JAK1: variants seen among roughly 807,000 people sequenced by gnomAD.
JAK1 encodes the protein tyrosine-protein kinase JAK1.
In JAK1, 16 loss-of-function variants were observed where a neutral mutation model predicts 136.6. The observed-to-expected ratio is 0.12, with a 90% confidence interval of 0.08 to 0.18. JAK1 has a LOEUF of 0.18. JAK1 is among the 10% of genes least tolerant of loss of function. The pLI, the probability that JAK1 is intolerant of heterozygous loss-of-function variation, is 1.00. For missense variants in JAK1, 859 were observed against 1,450.1 expected (o/e 0.59, Z 6.62); for synonymous variants, 492 against 519.5 (o/e 0.95, Z 0.72).
chr1:64,963,914 G>C (rs1646328749), intron 1 of JAK1, among the ~76,000 whole-genome samples: 2 of 152,112 alleles, frequency 1.3e-5, no homozygotes, highest in Admixed American at 6.6e-5. Context: ...CTAACCACTA[G>C]ATGCCTACCA....
chr1:64,899,687 A>G (rs1376684247), intron 1 of JAK1, among the ~76,000 whole-genome samples: 1 of 152,178 alleles, frequency 6.6e-6, no homozygotes, highest in African/African-American at 2.4e-5. Context: ...TAATATTATA[A>G]AATCCCAAAA....
At chr1:64,841,373 C>T (rs777631417) in intron 18 of JAK1, 34 bp from the exon 19 acceptor site, 1 of 1,611,548 alleles carries the variant, frequency 6.2e-7, no homozygotes, top group South Asian at 1.1e-5. Context: ...GAGTGAAAGG[C>T]AGTCGATTGC....
intron 1 of JAK1, among the ~76,000 whole-genome samples, chr1:64,919,168 T>C (rs895459334): frequency 1.3e-5 from 2 of 152,068 alleles, no homozygotes; most frequent in African/African-American, 4.8e-5. Flanking sequence ...CCTCCCCACT[T>C]CCCCCACCCC....
At chr1:64,872,414 TC>T (rs140321080) in intron 5 of JAK1, among the ~76,000 whole-genome samples, 272 of 152,334 alleles carry the variant, frequency 1.8e-3, no homozygotes, top group African/African-American at 6.4e-3. Context: ...AGAGACCTTC[TC>T]TGATCATATG....
At chr1:65,013,386 ACT>A (rs1364876231) in intron 2 of JAK1, among the ~76,000 whole-genome samples, 1 of 150,956 alleles carries the variant, frequency 6.6e-6, no homozygotes, top group Non-Finnish European at 1.5e-5. Context: ...ACAGAGCAAG[ACT>A]CTGTCTAAAA....
chr1:64,996,619 C>T (rs1413293151), intron 2 of JAK1, among the ~76,000 whole-genome samples: 1 of 152,160 alleles, frequency 6.6e-6, no homozygotes, highest in African/African-American at 2.4e-5. Flanking sequence ...GGGTTAATTG[C>T]TTAGTCTGTT....
intron 2 of JAK1, among the ~76,000 whole-genome samples, chr1:65,012,151 G>A (rs1271848063): frequency 2.0e-5 from 3 of 152,208 alleles, no homozygotes; most frequent in African/African-American, 7.2e-5. Flanking sequence ...CCACAGCAAA[G>A]TGGAGAGGAA....
Position 64,879,059 on chromosome 1 carries a change from C to T in JAK1, c.295G>A (p.Asp99Asn). 6.2e-7 allele frequency: 1 copy of T among 1,614,042 alleles called. No individual in the cohort carries two copies. The highest frequency in any genetic ancestry group is 1.1e-5 in the South Asian group (1 of 91,080). Residue 99 changes from aspartate (D) to asparagine (N), a missense_variant, in exon 4 of 25, where the codon GAC becomes AAC. Asp to Asn is a conservative substitution (Grantham distance 23). Transcript: ENST00000342505. ...TAGTGGAGCCGGAGGGACATCTTGT[C>T]ATCAACGGTGATGGTGCGATTTGGA... ...YAPNRTITVD[D>N]KMSLRLHYRM...
At chr1:65,046,665 G>A (rs1164856433) in intron 1 of JAK1, among the ~76,000 whole-genome samples, 1 of 151,852 alleles carries the variant, frequency 6.6e-6, no homozygotes, top group African/African-American at 2.4e-5. Flanking sequence ...GAAGGGGGTA[G>A]GTAGGCTGGT....
intron 2 of JAK1, among the ~76,000 whole-genome samples, chr1:64,998,871 C>T (rs1569852779): frequency 6.6e-6 from 1 of 152,166 alleles, no homozygotes; most frequent in African/African-American, 2.4e-5. Context: ...AAACTTCTTC[C>T]TTTTGTAAAT....
At chr1:64,839,184 T>C (rs1654726745) in intron 20 of JAK1, among the ~76,000 whole-genome samples, 1 of 150,592 alleles carries the variant, frequency 6.6e-6, no homozygotes, top group Non-Finnish European at 1.5e-5. Flanking sequence ...TCATCAGCTG[T>C]CAATTTCACT....
intron 1 of JAK1, among the ~76,000 whole-genome samples, chr1:64,959,166 G>A (rs568772829): frequency 2.0e-5 from 3 of 152,162 alleles, no homozygotes; most frequent in African/African-American, 7.2e-5. Context: ...TTCCAATCAC[G>A]TGGCAACAAC....
chr1:65,056,208 CCTCT>C (rs1425518309), intron 1 of JAK1, among the ~76,000 whole-genome samples: 3 of 152,156 alleles, frequency 2.0e-5, no homozygotes, highest in African/African-American at 4.8e-5. Flanking sequence ...TGGGGAGACC[CCTCT>C]CTCTAATTAA....
At position 64,841,529 on chromosome 1, in the gene JAK1, G is replaced by A. The variant is rs150021823; in HGVS notation, c.2476C>T (p.Arg826Cys). The A allele has an allele frequency of 1.4e-5, 22 of 1,614,090 alleles. No homozygotes were observed. The African/African-American group carries it at 2.0e-4, about 15-fold the overall frequency. ...TGATTGGGGTCATAGTTCATGCAGCGGGTCATGAGGTCAGCCAGCTCCTTA... is the reference window on the plus strand; with the variant it reads ...TGATTGGGGTCATAGTTCATGCAGCAGGTCATGAGGTCAGCCAGCTCCTTA... ...SCKELADLMT[R>C]CMNYDPNQRP... is the part of the protein sequence containing the mutation. Residue 826 changes from arginine to cysteine, a missense_variant, in exon 18 of 25, where the codon CGC becomes TGC. Transcript: ENST00000342505.
At chr1:65,021,647 C>T (rs1185845801) in intron 2 of JAK1, among the ~76,000 whole-genome samples, 2 of 152,162 alleles carry the variant, frequency 1.3e-5, no homozygotes, top group Non-Finnish European at 2.9e-5. Flanking sequence ...AAACATAGCT[C>T]TCCCTGTCTA....
At position 64,863,521 on chromosome 1, in the gene JAK1, T is replaced by G. The variant is rs370323697; in HGVS notation, c.1176+1266A>C. 7.1e-5 allele frequency among the ~76,000 whole-genome samples: 10 copies of G among 141,786 alleles called. No individual in the cohort carries two copies. The East Asian group carries it at 1.2e-3, about 17-fold the overall frequency. 93.0% of individuals were successfully genotyped at this position (141,786 alleles called of 152,430 possible). ...TTTTACTATATTTTTCTAATAAAAT[T>G]AATGTAAGTTTTTTGTTTAAAAAAA... On this transcript the variant is annotated intron_variant, in intron 8 of 24. Transcript: ENST00000342505.
chr1:65,052,430 C>T (rs1015012888), intron 1 of JAK1, among the ~76,000 whole-genome samples: 1 of 152,116 alleles, frequency 6.6e-6, no homozygotes, highest in Non-Finnish European at 1.5e-5. Flanking sequence ...GTAATCCCAG[C>T]ACTTTGGGAG....
At chr1:64,922,245 A>C (rs1645507471) in intron 1 of JAK1, among the ~76,000 whole-genome samples, 1 of 151,014 alleles carries the variant, frequency 6.6e-6, no homozygotes, top group East Asian at 1.9e-4. Context: ...ACCCTGTATA[A>C]ATAAAAACAA....
chr1:64,873,222 G>C lies in JAK1; in HGVS notation c.483+148C>G, dbSNP rs555570647. ...ATGCTGCCTTTTTTCTCCTCACTTG[G>C]GGCAAGTCCAGGTGTGGCAAGAACT... On this transcript the variant is annotated intron_variant, in intron 5 of 24. Transcript: ENST00000342505. 14 of 812,818 alleles carry C rather than the reference G, an allele frequency of 1.7e-5. No individual in the cohort carries two copies. The South Asian group carries it at 2.6e-4, about 15-fold the overall frequency. 50.4% of individuals were successfully genotyped at this position (812,818 alleles called of 1,614,324 possible). A position where few individuals can be genotyped will look rare whatever the true frequency, so the allele number is the denominator to read the frequency against.
Sources: allele counts gnomAD v4.1 joint callset (sites outside exome capture counted in the v4.1 genomes callset), GRCh38; gene constraint gnomAD v4.1.1; transcripts MANE v1.5; gene names NCBI Gene and HGNC (gene_info 2026-07-23, HGNC 2026-07-21).